Variants in KIRREL3 observed in about 807,000 individuals in gnomAD.
The protein encoded by KIRREL3 is kin of IRRE-like protein 3.
KIRREL3 carries 36 observed loss-of-function variants against 89.7 expected under a neutral mutation model. That is an observed-to-expected ratio of 0.40 (90% CI 0.31 to 0.53). KIRREL3 has a LOEUF of 0.53. KIRREL3 is among the 20% of genes least tolerant of loss of function. The pLI is 0.49. For missense variants in KIRREL3, 864 were observed against 1,056.6 expected, an observed-to-expected ratio of 0.82 and a Z score of 2.53; for synonymous variants, 445 against 441.4, an observed-to-expected ratio of 1.01 and a Z score of -0.10.
rs1940958446 is a variant in KIRREL3, at chr11:126,571,896, CAG to C, written c.56-8986_56-8985del. On this transcript the variant is annotated intron_variant, in intron 1 of 16. Coordinates refer to ENST00000525144, the MANE Select transcript of KIRREL3 (RefSeq NM_032531.4). This position sits in a 1 kb window ranked among gnomAD's most constrained non-coding sequence, Gnocchi z 7.7. ...ATGAGTTACTTGCTAGGTGGGGGAA[CAG>C]AGAAATAGGATCATGAAGGCCATTC... Among the ~76,000 whole-genome samples the C allele has an allele frequency of 6.6e-6, 1 of 152,202 alleles. No individual in the cohort carries two copies. Among genetic ancestry groups the C allele is most frequent in the African/African-American group, 2.4e-5 (1 of 41,452 alleles).
chr11:126,505,278 T>C (rs1443956295), intron 4 of KIRREL3, among the ~76,000 whole-genome samples: 1 of 152,234 alleles, frequency 6.6e-6, no homozygotes, highest in Non-Finnish European at 1.5e-5. Context: ...GTTTAAAAAA[T>C]GTGTTTATCA....
chr11:126,547,802 G>T (rs796216064), intron 2 of KIRREL3, among the ~76,000 whole-genome samples: 5 of 152,320 alleles, frequency 3.3e-5, no homozygotes, highest in African/African-American at 4.8e-5. Context: ...AGTCAAGTCT[G>T]CCCTGGACGA....
rs753314610 is a variant in KIRREL3 at position 126,425,021 on chromosome 11, G to A, written c.1896C>T (p.Asp632=). 1 of 1,525,062 alleles carries A rather than the reference G, an allele frequency of 6.6e-7. No homozygotes were observed. Among genetic ancestry groups the A allele is most frequent in the Admixed American group, 2.0e-5 (1 of 48,862 alleles). The allele number at this position is 1,525,062 out of a possible 1,614,324, so 94.5% of individuals were successfully genotyped here. A position where few individuals can be genotyped will look rare whatever the true frequency, so the allele number is the denominator to read the frequency against. Residue 632 remains aspartate (D), a splice_region_variant and synonymous_variant, in exon 17 of 17, where the codon GAC becomes GAT. Transcript: ENST00000525144. ...EEEKEFQNLK[D]PTNGYYSVNT... The stretch of plus-strand genomic sequence containing the variant: ...TGACGCTGTAGTAGCCATTGGTGGG[G>A]TCCTGGATGGGCGAGAGGAAGAGGA...
At chr11:126,856,555 GTATATATATATATATATATATATA>G (rs36218965) in intron 1 of KIRREL3, among the ~76,000 whole-genome samples, 209 of 136,646 alleles carry the variant, frequency 1.5e-3, no homozygotes, top group South Asian at 8.4e-3. Flanking sequence ...ATTTTTCTAA[GTATATATATATATATATATATATA>G]TATATATATA....
chr11:126,714,445 C>G (rs1947880271), intron 1 of KIRREL3, among the ~76,000 whole-genome samples: 1 of 152,240 alleles, frequency 6.6e-6, no homozygotes, highest in African/African-American at 2.4e-5. Context: ...GCCTGCGATT[C>G]TCTGTGGGAC....
chr11:126,809,971 T>C (rs1951325478), intron 1 of KIRREL3, among the ~76,000 whole-genome samples: 1 of 152,208 alleles, frequency 6.6e-6, no homozygotes. Flanking sequence ...TATCTCTCTG[T>C]GATGACATGT....
At chr11:126,634,875 C>G (rs1944201440) in intron 1 of KIRREL3, among the ~76,000 whole-genome samples, 1 of 152,168 alleles carries the variant, frequency 6.6e-6, no homozygotes, top group Non-Finnish European at 1.5e-5. Context: ...GCCTCACTGC[C>G]TCTCCTGTCT....
chr11:126,918,433 T>G lies in KIRREL3; in HGVS notation c.55+82022A>C, dbSNP rs766763057. 1.3e-5 allele frequency among the ~76,000 whole-genome samples: 2 copies of G among 152,238 alleles called. No individual in the cohort carries two copies. Among genetic ancestry groups the G allele is most frequent in the African/African-American group, 2.4e-5 (1 of 41,456 alleles). On this transcript the variant is annotated intron_variant, in intron 1 of 16. Transcript: ENST00000525144. This position sits in a 1 kb window ranked among gnomAD's most constrained non-coding sequence, Gnocchi z 6.5. ...TAGTTTTAGCGTAAGGAGTGAAGTC[T>G]TTGTAAACTAAGCTGCTTGTTCCTC... is the stretch of plus-strand genomic sequence containing the variant.
chr11:126,952,889 T>G (rs1297450643), intron 1 of KIRREL3, among the ~76,000 whole-genome samples: 1 of 152,030 alleles, frequency 6.6e-6, no homozygotes, highest in East Asian at 1.9e-4. Flanking sequence ...TTGGTGGGAG[T>G]GTAAATTAGT....
rs1351333165 is a variant in KIRREL3, at chr11:126,607,324, A to AACGGG, written c.56-44417_56-44413dup. Reference sequence around the variant, plus strand: ...ATTTGGTGTGGTTTTGGGCAGACAGAACGGGTTTCTTATGGCTGGGGCTGC... The same window carrying AACGGG: ...ATTTGGTGTGGTTTTGGGCAGACAGAACGGGACGGGTTTCTTATGGCTGGGGCTGC... On this transcript the variant is annotated intron_variant, in intron 1 of 16. Transcript: ENST00000525144. This position sits in a 1 kb window ranked among gnomAD's most constrained non-coding sequence, Gnocchi z 6.6. Among the ~76,000 whole-genome samples, 1 of 152,192 alleles carries AACGGG rather than the reference A, an allele frequency of 6.6e-6. No individual in the cohort carries two copies. Among genetic ancestry groups the AACGGG allele is most frequent in the Non-Finnish European group, 1.5e-5 (1 of 68,038 alleles).
chr11:126,668,745 C>CTT lies in KIRREL3; in HGVS notation c.56-105835_56-105834dup, dbSNP rs758855357. 2.3e-5 allele frequency among the ~76,000 whole-genome samples: 3 copies of CTT among 130,206 alleles called. No individual in the cohort carries two copies. The highest frequency in any genetic ancestry group is 3.4e-5 in the Non-Finnish European group (2 of 58,206). The allele number at this position is 130,206 out of a possible 152,430, so 85.4% of individuals were successfully genotyped here. On this transcript the variant is annotated intron_variant, in intron 1 of 16. Coordinates refer to ENST00000525144, the MANE Select transcript of KIRREL3 (RefSeq NM_032531.4). The surrounding 1 kb of genome is among the most constrained non-coding windows in gnomAD (Gnocchi z 4.4). The stretch of plus-strand genomic sequence containing the variant: ...TCTTTCTTTCTTTCTTTCTTTCTTT[C>CTT]TTTCTTTCTTTTTTCTCTTTCTTTC...
intron 1 of KIRREL3, among the ~76,000 whole-genome samples, chr11:126,713,697 T>G (rs1947848540): frequency 1.3e-5 from 2 of 151,984 alleles, no homozygotes; most frequent in African/African-American, 4.8e-5. Flanking sequence ...ATTACCATGG[T>G]GATAAGTGTG....
At chr11:126,854,296 C>T (rs1262284803) in intron 1 of KIRREL3, among the ~76,000 whole-genome samples, 5 of 152,158 alleles carry the variant, frequency 3.3e-5, no homozygotes, top group Non-Finnish European at 1.5e-5. Context: ...GCATTAAGTA[C>T]ATTGTACATT....
Position 126,520,979 on chromosome 11 carries a change from G to A in KIRREL3, c.433+336C>T, listed in dbSNP as rs888601676. ...GCCTGTGCCACATTCTTCCTGGCACGGAGCCTAGCCTAGATAACGTGTGCA... is the reference window on the plus strand; with the variant it reads ...GCCTGTGCCACATTCTTCCTGGCACAGAGCCTAGCCTAGATAACGTGTGCA... On this transcript the variant is annotated intron_variant, in intron 4 of 16. Transcript: ENST00000525144. This position sits in a 1 kb window ranked among gnomAD's most constrained non-coding sequence, Gnocchi z 4.9. 2.6e-5 allele frequency among the ~76,000 whole-genome samples: 4 copies of A among 152,162 alleles called. No homozygotes were observed. Among genetic ancestry groups the A allele is most frequent in the Non-Finnish European group, 5.9e-5 (4 of 68,022 alleles).
At chr11:126,597,337 G>A (rs1942446555) in intron 1 of KIRREL3, among the ~76,000 whole-genome samples, 1 of 152,260 alleles carries the variant, frequency 6.6e-6, no homozygotes, top group African/African-American at 2.4e-5. Flanking sequence ...GTTCACATCA[G>A]TGCTGAGGAG....
rs538489976 is a variant in KIRREL3 at position 126,684,587 on chromosome 11, A to T, written c.56-121675T>A. Among the ~76,000 whole-genome samples, 1 of 152,300 alleles carries T rather than the reference A, an allele frequency of 6.6e-6. No homozygotes were observed. Among genetic ancestry groups the T allele is most frequent in the African/African-American group, 2.4e-5 (1 of 41,564 alleles). On this transcript the variant is annotated intron_variant, in intron 1 of 16. Coordinates refer to ENST00000525144, the MANE Select transcript of KIRREL3 (RefSeq NM_032531.4). This position sits in a 1 kb window ranked among gnomAD's most constrained non-coding sequence, Gnocchi z 4.2. ...AATTTACCCTACCAGGCCAGTCAGAATCGACTCACTGATGATCAAAAAAGA... is the reference window on the plus strand; with the variant it reads ...AATTTACCCTACCAGGCCAGTCAGATTCGACTCACTGATGATCAAAAAAGA...
At chr11:126,815,478 A>C (rs1381331123) in intron 1 of KIRREL3, among the ~76,000 whole-genome samples, 1 of 152,216 alleles carries the variant, frequency 6.6e-6, no homozygotes, top group Non-Finnish European at 1.5e-5. Context: ...ACAAATTTTG[A>C]AAGCACACAG....
upstream of KIRREL3, chr11:127,002,811 C>T (rs1950337474): frequency 6.6e-6 from 1 of 152,152 alleles, no homozygotes; most frequent in Admixed American, 6.5e-5. Context: ...TTAATTCAGC[C>T]CCCGAGGGAA....
chr11:126,676,022 A>G lies in KIRREL3; in HGVS notation c.56-113110T>C, dbSNP rs190406370. On this transcript the variant is annotated intron_variant, in intron 1 of 16. Transcript: ENST00000525144. This position sits in a 1 kb window ranked among gnomAD's most constrained non-coding sequence, Gnocchi z 4.5. Reference sequence around the variant, plus strand: ...TGGATGGATGATGATGTTAACACCAAGAATAAGAAATCCAGTAGGAGGGAG... The same window carrying G: ...TGGATGGATGATGATGTTAACACCAGGAATAAGAAATCCAGTAGGAGGGAG... Among the ~76,000 whole-genome samples the G allele has an allele frequency of 6.6e-6, 1 of 152,320 alleles. No homozygotes were observed. The highest frequency in any genetic ancestry group is 2.4e-5 in the African/African-American group (1 of 41,564).
Sources: gnomAD v4.1 joint callset for allele counts (sites outside exome capture counted in the v4.1 genomes callset) on GRCh38, gnomAD v4.1.1 for gene constraint, Gnocchi (gnomAD v3.1) non-coding constraint, MANE v1.5 for transcripts, NCBI Gene and HGNC (gene_info 2026-07-23, HGNC 2026-07-21) for gene names.